The following SLC25A26 variants were observed in gnomAD, a reference collection of about 807,000 sequenced individuals.
The protein encoded by SLC25A26 is solute carrier family 25 member 26.
Under a neutral mutation model 37.8 loss-of-function variants are expected in SLC25A26, and 36 were observed. That is an observed-to-expected ratio of 0.95 (90% CI 0.73 to 1.26). The LOEUF (loss-of-function observed/expected upper bound fraction) is 1.26, where lower values mean the gene tolerates loss of function less well. Ranked by LOEUF, SLC25A26 falls within the 50% of genes most tolerant of loss-of-function variation. SLC25A26 has a pLI of 0.00. For missense variants in SLC25A26, 390 were observed against 331.1 expected (o/e 1.18, Z -1.38); for synonymous variants, 129 against 122.5 (o/e 1.05, Z -0.35).
chr3:66,345,609 C>T (rs960324236), intron 5 of SLC25A26, among the ~76,000 whole-genome samples: 11 of 151,580 alleles, frequency 7.3e-5, no homozygotes, highest in African/African-American at 2.7e-4. Flanking sequence ...TCTCTCTCCC[C>T]TTCTCTTCCT....
At chr3:66,199,009 G>A in intron 1 of SLC25A26, among the ~76,000 whole-genome samples, 1 of 151,676 alleles carries the variant, frequency 6.6e-6, no homozygotes, top group African/African-American at 2.4e-5. Flanking sequence ...TCTGACCTTT[G>A]TTCTGAGATC....
chr3:66,193,873 T>C (rs1006218230), intron 1 of SLC25A26, among the ~76,000 whole-genome samples: 1 of 152,168 alleles, frequency 6.6e-6, no homozygotes, highest in Non-Finnish European at 1.5e-5. Flanking sequence ...TTGGAGAAAT[T>C]CAGAGAGGCT....
chr3:66,192,864 A>G (rs1421263463), intron 1 of SLC25A26, among the ~76,000 whole-genome samples: 1 of 152,192 alleles, frequency 6.6e-6, no homozygotes, highest in Non-Finnish European at 1.5e-5. Context: ...GCCTTCTCAA[A>G]GCTTTTAATT....
At chr3:66,140,384 A>T (rs2070016162) in intron 1 of SLC25A26, among the ~76,000 whole-genome samples, 2 of 152,150 alleles carry the variant, frequency 1.3e-5, no homozygotes, top group Non-Finnish European at 2.9e-5. Context: ...CATCACCAAG[A>T]CAGCTAGACT....
chr3:66,218,576 C>A (rs1281009776), upstream of SLC25A26, among the ~76,000 whole-genome samples: 2 of 152,134 alleles, frequency 1.3e-5, no homozygotes, highest in Non-Finnish European at 2.9e-5. Flanking sequence ...GGTATTTAGG[C>A]TTTTGGGTAG....
intron 5 of SLC25A26, among the ~76,000 whole-genome samples, chr3:66,340,669 T>C (rs544034228): frequency 2.6e-5 from 4 of 152,200 alleles, no homozygotes; most frequent in Non-Finnish European, 4.4e-5. Context: ...AAATATTGTT[T>C]ATGAACACTC....
intron 3 of SLC25A26, among the ~76,000 whole-genome samples, chr3:66,257,733 C>T (rs1384588743): frequency 6.6e-6 from 1 of 152,226 alleles, no homozygotes; most frequent in Admixed American, 6.5e-5. Flanking sequence ...ATTCCTTGAC[C>T]CTGTGGCCCT....
intron 2 of SLC25A26, among the ~76,000 whole-genome samples, chr3:66,239,079 T>G (rs971567777): frequency 1.3e-5 from 2 of 152,212 alleles, no homozygotes; most frequent in South Asian, 4.1e-4. Flanking sequence ...ATCAGAACCT[T>G]TCTGCTCGAT....
intron 1 of SLC25A26, among the ~76,000 whole-genome samples, chr3:66,213,439 G>T (rs1330744618): frequency 3.4e-4 from 40 of 118,122 alleles, no homozygotes; most frequent in Non-Finnish European, 1.9e-4. Context: ...CTAGTAAAAT[G>T]ACTTTCTTTT....
At chr3:66,338,122 T>G (rs2076131590) in intron 5 of SLC25A26, among the ~76,000 whole-genome samples, 1 of 152,036 alleles carries the variant, frequency 6.6e-6, no homozygotes, top group African/African-American at 2.4e-5. Context: ...TTTTTGTTTC[T>G]TCTTTTGCTC....
At chr3:66,177,472 A>T (rs2070607629) in intron 1 of SLC25A26, among the ~76,000 whole-genome samples, 1 of 152,204 alleles carries the variant, frequency 6.6e-6, no homozygotes, top group South Asian at 2.1e-4. Flanking sequence ...AACACTTCCT[A>T]GTTTCTCCCA....
chr3:66,305,951 C>G (rs1000861962), intron 5 of SLC25A26, among the ~76,000 whole-genome samples: 2 of 152,094 alleles, frequency 1.3e-5, no homozygotes, highest in African/African-American at 4.8e-5. Flanking sequence ...TTTCCTCAAC[C>G]TCGCCAGCAT....
At chr3:66,234,419 G>T (rs369382782) in intron 1 of SLC25A26, among the ~76,000 whole-genome samples, 4 of 152,224 alleles carry the variant, frequency 2.6e-5, no homozygotes, top group African/African-American at 9.6e-5. Flanking sequence ...TATTCTTTTG[G>T]TACTACTTGG....
At chr3:66,180,386 C>A (rs184046588) in intron 1 of SLC25A26, among the ~76,000 whole-genome samples, 1 of 152,284 alleles carries the variant, frequency 6.6e-6, no homozygotes, top group Admixed American at 6.5e-5. Context: ...AATGCAGGGG[C>A]AGGGAACATG....
intron 5 of SLC25A26, among the ~76,000 whole-genome samples, chr3:66,267,488 C>T (rs1275584020): frequency 1.3e-5 from 2 of 152,126 alleles, no homozygotes; most frequent in South Asian, 2.1e-4. Flanking sequence ...GGGAAAAGCC[C>T]TTGAAAGAGC....
In SLC25A26 at chr3:66,196,610, T is replaced by G. The variant is rs1019788503; in HGVS notation, c.-353-24132T>G. Among the ~76,000 whole-genome samples the G allele has an allele frequency of 2.8e-3, 433 of 152,332 alleles. 3 individuals are homozygous for G. The highest frequency in any genetic ancestry group is 9.8e-3 in the African/African-American group (409 of 41,560). ...TACAACACATTATTAAATAATAAAG[T>G]GTTTAACTATAGCCTTAAAATAGAA... On this transcript the variant is annotated intron_variant, in intron 1 of 10. Transcript: ENST00000676754.
chr3:66,198,099 T>C (rs2106807300), intron 1 of SLC25A26, among the ~76,000 whole-genome samples: 1 of 152,028 alleles, frequency 6.6e-6, no homozygotes, highest in African/African-American at 2.4e-5. Flanking sequence ...AGAGTGAAGG[T>C]TAGGGTCAGG....
intron 6 of SLC25A26, 77 bp downstream of exon 6, chr3:66,346,485 C>A: frequency 2.1e-6 from 1 of 480,942 alleles, no homozygotes; most frequent in African/African-American, 2.2e-5. Context: ...AAGAGTAGAA[C>A]ATAATGTTGA....
At chr3:66,293,522 T>G (rs1180329586) in intron 5 of SLC25A26, among the ~76,000 whole-genome samples, 1 of 151,752 alleles carries the variant, frequency 6.6e-6, no homozygotes, top group Admixed American at 6.6e-5. Context: ...TTTTTTTTCC[T>G]GATCCTCTCC....
Sources: allele counts gnomAD v4.1 joint callset (sites outside exome capture counted in the v4.1 genomes callset), GRCh38; gene constraint gnomAD v4.1.1; transcripts MANE v1.5; gene names NCBI Gene and HGNC (gene_info 2026-07-23, HGNC 2026-07-21).